The following C4orf51 variants were observed in gnomAD, a reference collection of about 807,000 sequenced individuals.
C4orf51 encodes uncharacterized protein C4orf51.
In C4orf51, 25 loss-of-function variants were observed where a neutral mutation model predicts 25.2. The observed-to-expected ratio is 0.99, with a 90% CI of 0.72 to 1.39. The LOEUF is 1.39. Among genes scored for constraint, C4orf51 ranks in the 40% most tolerant of loss-of-function variants. The pLI is 0.00. For synonymous variants in C4orf51, 100 were observed against 84.5 expected, an observed-to-expected ratio of 1.18 and a Z score of -1.01; for missense variants, 252 against 239.6, an observed-to-expected ratio of 1.05 and a Z score of -0.34.
chr4:145,680,401 T>C lies in C4orf51; in HGVS notation c.198T>C (p.Ser66=). 5 of 1,613,952 alleles carry C rather than the reference T, an allele frequency of 3.1e-6. No homozygotes were observed. Among genetic ancestry groups the C allele is most frequent in the Non-Finnish European group, 4.2e-6 (5 of 1,179,814 alleles). Residue 66 remains serine, a synonymous_variant, in exon 1 of 6, where the codon TCT becomes TCC. Coordinates refer to ENST00000438731, the MANE Select transcript of C4orf51 (RefSeq NM_001080531.3). ...QLDKSMCSQF[S]FRAGQHEPEC... is the part of the protein sequence containing the mutation. The stretch of plus-strand genomic sequence containing the variant: ...ACAAGTCCATGTGCAGCCAATTTTC[T>C]TTTAGAGCAGGACAGCATGAGCCTG...
chr4:145,748,599 GA>G (rs1310788973), intron 1 of C4orf51, among the ~76,000 whole-genome samples: 1 of 152,042 alleles, frequency 6.6e-6, no homozygotes, highest in Non-Finnish European at 1.5e-5. Flanking sequence ...TTTGTTTCAA[GA>G]CATTTTTCAA....
intron 1 of C4orf51, among the ~76,000 whole-genome samples, chr4:145,745,055 A>G (rs1733297076): frequency 6.6e-6 from 1 of 152,194 alleles, no homozygotes; most frequent in South Asian, 2.1e-4. Flanking sequence ...AACAAAGAAA[A>G]AATGAAAAAT....
chr4:145,775,128 T>C (rs771015202), downstream of C4orf51, among the ~76,000 whole-genome samples: 4 of 152,108 alleles, frequency 2.6e-5, no homozygotes, highest in Non-Finnish European at 5.9e-5. Context: ...CTACAGTTTG[T>C]TGTATGGCAC....
In C4orf51 at chr4:145,703,649, T is replaced by C. The variant is rs113220086; in HGVS notation, c.307+7017T>C. Among the ~76,000 whole-genome samples, 530 of 152,362 alleles carry C rather than the reference T, an allele frequency of 3.5e-3. 2 individuals carry two copies. The highest frequency in any genetic ancestry group is 6.8e-3 in the Middle Eastern group (2 of 294). ...TTATTTTTGCTTTAGTAAACTTTGCTATTGATGTTATATCTAAAATTCACT... is the reference window on the plus strand; with the variant it reads ...TTATTTTTGCTTTAGTAAACTTTGCCATTGATGTTATATCTAAAATTCACT... On this transcript the variant is annotated intron_variant, in intron 2 of 5. Coordinates refer to ENST00000438731, the MANE Select transcript of C4orf51 (RefSeq NM_001080531.3).
At position 145,729,472 on chromosome 4, in the gene C4orf51, T is replaced by A. The variant is rs552319716; in HGVS notation, c.427+243T>A. 2.4e-4 allele frequency among the ~76,000 whole-genome samples: 37 copies of A among 152,048 alleles called. 1 individual carries two copies. Among genetic ancestry groups the A allele is most frequent in the East Asian group, 5.8e-4 (3 of 5,170 alleles). On this transcript the variant is annotated intron_variant, in intron 4 of 5. Coordinates refer to ENST00000438731, the MANE Select transcript of C4orf51 (RefSeq NM_001080531.3). ...GCCCGCCACCACACCCGGCTAATTT[T>A]TTGTATTTTTAGTAGAGACGGGGTT...
In C4orf51 at chr4:145,732,611, A is replaced by C; in HGVS notation, c.*51A>C. ...GAGGCGTGGAGTTTGCTTAATAAAC[A>C]ACTTTGAGGTATGGGGCCCTCCCAA... On this transcript the variant is annotated 3_prime_UTR_variant, in exon 6 of 6. Transcript: ENST00000438731. 1 of 1,325,290 alleles carries C rather than the reference A, an allele frequency of 7.5e-7. No homozygotes were observed. Among genetic ancestry groups the C allele is most frequent in the Non-Finnish European group, 1.1e-6 (1 of 939,684 alleles). 82.1% of individuals were successfully genotyped at this position (1,325,290 alleles called of 1,614,324 possible).
chr4:145,701,905 C>A (rs1016530928), intron 2 of C4orf51, among the ~76,000 whole-genome samples: 25 of 152,098 alleles, frequency 1.6e-4, no homozygotes, highest in African/African-American at 5.8e-4. Context: ...GGACTACAGC[C>A]GCATCTCATT....
Position 145,709,495 on chromosome 4 carries a change from C to A in C4orf51, c.307+12863C>A, listed in dbSNP as rs369587253. On this transcript the variant is annotated intron_variant, in intron 2 of 5. Transcript: ENST00000438731. Reference sequence around the variant, plus strand: ...GGGATACCTGCAAGGAAGCCCATGTCTTTGTTGCCATGCCAATGCAGCAAG... The same window carrying A: ...GGGATACCTGCAAGGAAGCCCATGTATTTGTTGCCATGCCAATGCAGCAAG... Among the ~76,000 whole-genome samples, 109 of 152,338 alleles carry A rather than the reference C, an allele frequency of 7.2e-4. 3 individuals are homozygous for A. In the South Asian group the frequency reaches 0.022, roughly 30 times the overall value.
chr4:145,777,774 T>G, the C4orf51 span, among the ~76,000 whole-genome samples: 1 of 152,170 alleles, frequency 6.6e-6, no homozygotes, highest in Non-Finnish European at 1.5e-5. Flanking sequence ...ATTTTTGTCT[T>G]TCTCTAATTA....
At chr4:145,729,636 G>T (rs1221095357) in intron 4 of C4orf51, among the ~76,000 whole-genome samples, 1 of 152,004 alleles carries the variant, frequency 6.6e-6, no homozygotes. Flanking sequence ...TTGCATTTCT[G>T]CTTCCTTCCT....
At chr4:145,711,039 C>A (rs1014366628) in intron 2 of C4orf51, among the ~76,000 whole-genome samples, 14 of 151,828 alleles carry the variant, frequency 9.2e-5, no homozygotes, top group African/African-American at 3.4e-4. Flanking sequence ...TATACATCTC[C>A]AGAATGCATG....
the C4orf51 span, among the ~76,000 whole-genome samples, chr4:145,780,617 G>A: frequency 1.3e-5 from 2 of 152,080 alleles, no homozygotes; most frequent in African/African-American, 4.8e-5. Context: ...TTGTGGAACT[G>A]TACCAGATTA....
At position 145,765,836 on chromosome 4, in the gene C4orf51, C is replaced by T. The variant is rs577125962; in HGVS notation, n.167-5152C>T. ...GAGTTGAGTCTCATGGATGCATCAT[C>T]ATTCTGGGGGCACAGGCTCATGTCC... On this transcript the variant is annotated intron_variant and non_coding_transcript_variant, in intron 1 of 1. Coordinates refer to the C4orf51 transcript ENST00000510096. This position sits in a 1 kb window ranked among gnomAD's most constrained non-coding sequence, Gnocchi z 4.7. The T allele has an allele frequency of 6.5e-5, 81 of 1,255,454 alleles. 1 individual carries two copies. In the East Asian group the frequency reaches 1.3e-3, roughly 20 times the overall value. The allele number at this position is 1,255,454 out of a possible 1,614,324, so 77.8% of individuals were successfully genotyped here.
chr4:145,718,179 C>A (rs920483150), intron 2 of C4orf51, among the ~76,000 whole-genome samples: 1 of 152,206 alleles, frequency 6.6e-6, no homozygotes, highest in Non-Finnish European at 1.5e-5. Context: ...TTTATTCTTG[C>A]TGTTCCAGGA....
intron 2 of C4orf51, among the ~76,000 whole-genome samples, chr4:145,702,232 G>A (rs1342538928): frequency 1.3e-4 from 20 of 151,764 alleles, no homozygotes; most frequent in Non-Finnish European, 2.2e-4. Context: ...CAGAATCTGC[G>A]CCTTATCAAC....
At chr4:145,779,680 C>A in the C4orf51 span, among the ~76,000 whole-genome samples, 1 of 152,196 alleles carries the variant, frequency 6.6e-6, no homozygotes, top group African/African-American at 2.4e-5. Flanking sequence ...CTAAGAAGGC[C>A]GTTCTTGAAA....
In C4orf51 at chr4:145,765,304, A is replaced by C; in HGVS notation, n.167-5684A>C. ...TACCCTTCCAGGCACTGTTCCCCATATCTCTGTGCTAAAAGGAGTTAAATG... is the reference window on the plus strand; with the variant it reads ...TACCCTTCCAGGCACTGTTCCCCATCTCTCTGTGCTAAAAGGAGTTAAATG... On this transcript the variant is annotated intron_variant and non_coding_transcript_variant, in intron 1 of 1. Coordinates refer to the C4orf51 transcript ENST00000510096. The surrounding 1 kb of genome is among the most constrained non-coding windows in gnomAD (Gnocchi z 4.7). The C allele has an allele frequency of 9.6e-7, 1 of 1,042,402 alleles. No homozygotes were observed. Among genetic ancestry groups the C allele is most frequent in the Non-Finnish European group, 1.4e-6 (1 of 738,132 alleles). The allele number at this position is 1,042,402 out of a possible 1,614,324, so 64.6% of individuals were successfully genotyped here. A position where few individuals can be genotyped will look rare whatever the true frequency, so the allele number is the denominator to read the frequency against.
At chr4:145,702,562 TGTTTACACTGCCG>T (rs1023111795) in intron 2 of C4orf51, among the ~76,000 whole-genome samples, 3 of 152,230 alleles carry the variant, frequency 2.0e-5, no homozygotes, top group African/African-American at 7.2e-5. Context: ...GCCCTGCTCT[TGTTTACACTGCCG>T]GTTTACACTG....
the C4orf51 span, among the ~76,000 whole-genome samples, chr4:145,788,754 T>A: frequency 6.6e-6 from 1 of 152,198 alleles, no homozygotes; most frequent in Non-Finnish European, 1.5e-5. Flanking sequence ...TTCTTAATGA[T>A]GATGGTAAGA....
Sources: gnomAD v4.1 joint callset for allele counts (sites outside exome capture counted in the v4.1 genomes callset) on GRCh38, gnomAD v4.1.1 for gene constraint, Gnocchi (gnomAD v3.1) non-coding constraint, MANE v1.5 for transcripts, NCBI Gene and HGNC (gene_info 2026-07-23, HGNC 2026-07-21) for gene names.